AGMO: variants seen among roughly 807,000 people sequenced by gnomAD.
AGMO encodes the protein alkylglycerol monooxygenase.
A neutral mutation model predicts 60.2 loss-of-function variants in AGMO; 75 were observed. The ratio of observed to expected loss-of-function variants is 1.25; its 90% CI spans 1.03 to 1.51. The LOEUF is 1.51. Among genes scored for constraint, AGMO ranks in the 40% most tolerant of loss-of-function variants. AGMO has a pLI of 0.00. For synonymous variants in AGMO, 261 were observed against 177.1 expected, an observed-to-expected ratio of 1.47 and a Z score of -3.76; for missense variants, 763 against 525.5, an observed-to-expected ratio of 1.45 and a Z score of -4.42.
intron 3 of AGMO, among the ~76,000 whole-genome samples, chr7:15,451,226 A>G (rs568424100): frequency 2.6e-4 from 39 of 152,304 alleles, no homozygotes; most frequent in South Asian, 2.5e-3. Flanking sequence ...GAAACCTGAT[A>G]TGATATAAAA....
At chr7:15,453,436 A>C (rs1451888481) in intron 3 of AGMO, among the ~76,000 whole-genome samples, 1 of 152,214 alleles carries the variant, frequency 6.6e-6, no homozygotes, top group Non-Finnish European at 1.5e-5. Context: ...TGGAGAAAGC[A>C]GACACAGTGT....
At chr7:15,478,244 T>A (rs1379769731) in intron 3 of AGMO, among the ~76,000 whole-genome samples, 1 of 152,182 alleles carries the variant, frequency 6.6e-6, no homozygotes, top group African/African-American at 2.4e-5. Context: ...ATTCATGCAC[T>A]CGACTTGTTG....
At chr7:15,195,456 T>A (rs369255555), downstream of AGMO, among the ~76,000 whole-genome samples, 12 of 152,320 alleles carry the variant, frequency 7.9e-5, no homozygotes, top group South Asian at 1.7e-3. Context: ...GGACCAGGTG[T>A]GACGCTTACA....
the AGMO span, among the ~76,000 whole-genome samples, chr7:15,172,388 G>A: frequency 6.6e-6 from 1 of 152,054 alleles, no homozygotes; most frequent in Non-Finnish European, 1.5e-5. Flanking sequence ...GGTTGAAGAT[G>A]GTACTTAGTT....
At chr7:15,365,693 A>C in intron 11 of AGMO, 74 bp from the exon 12 acceptor site, 15 of 1,014,394 alleles carry the variant, frequency 1.5e-5, no homozygotes, top group Non-Finnish European at 2.2e-5. Context: ...TAATTAATAT[A>C]AACTTCTCAT....
intron 12 of AGMO, among the ~76,000 whole-genome samples, chr7:15,340,049 T>C (rs1781791764): frequency 6.6e-6 from 1 of 152,206 alleles, no homozygotes; most frequent in Non-Finnish European, 1.5e-5. Flanking sequence ...TGCTTGAGAC[T>C]AGAAGTGCTT....
intron 5 of AGMO, 38 bp from the exon 6 acceptor site, chr7:15,394,217 T>A: frequency 1.5e-6 from 2 of 1,374,358 alleles, no homozygotes; most frequent in African/African-American, 1.4e-5. Context: ...CATGTAGTTA[T>A]CATTAAATGT....
chr7:15,118,734 C>A, the AGMO span, among the ~76,000 whole-genome samples: 1 of 152,002 alleles, frequency 6.6e-6, no homozygotes, highest in Non-Finnish European at 1.5e-5. Flanking sequence ...AAGTAAACCT[C>A]TTTTAAAAGC....
intron 12 of AGMO, among the ~76,000 whole-genome samples, chr7:15,279,982 A>G (rs1299837560): frequency 6.6e-6 from 1 of 152,204 alleles, no homozygotes; most frequent in Admixed American, 6.5e-5. Context: ...CTGCCAGCTA[A>G]ATCAGGCAGT....
chr7:15,366,258 G>C (rs1461783915), intron 10 of AGMO, 36 bp from the exon 11 acceptor site: 2 of 1,514,400 alleles, frequency 1.3e-6, no homozygotes, highest in East Asian at 2.4e-5. Context: ...GGAGCCGTTA[G>C]AAGAATTGTT....
At chr7:15,342,659 G>C (rs1025488426) in intron 12 of AGMO, among the ~76,000 whole-genome samples, 3 of 151,424 alleles carry the variant, frequency 2.0e-5, no homozygotes, top group Non-Finnish European at 4.4e-5. Context: ...TTGCGCGCGT[G>C]TGTGTGTGTA....
intron 10 of AGMO, among the ~76,000 whole-genome samples, chr7:15,367,256 A>T (rs199909675): frequency 0.013 from 1,297 of 100,142 alleles, 6 homozygotes; most frequent in East Asian, 0.021. Flanking sequence ...ATAATTTTTT[A>T]AAAAAAATTA....
intron 12 of AGMO, among the ~76,000 whole-genome samples, chr7:15,208,665 A>G (rs576113107): frequency 6.6e-6 from 1 of 152,264 alleles, no homozygotes; most frequent in South Asian, 2.1e-4. Flanking sequence ...TGATAGCACT[A>G]TTTTTTGAAG....
chr7:15,342,155 G>A (rs1183090425), intron 12 of AGMO, among the ~76,000 whole-genome samples: 2 of 105,086 alleles, frequency 1.9e-5, no homozygotes, highest in African/African-American at 8.6e-5. Context: ...TAAGCTGAGA[G>A]TAGATACCCA....
At chr7:15,309,156 G>A (rs1318502232) in intron 12 of AGMO, among the ~76,000 whole-genome samples, 1 of 152,136 alleles carries the variant, frequency 6.6e-6, no homozygotes, top group African/African-American at 2.4e-5. Context: ...TTTATAGGAA[G>A]ACAAGCCCTG....
the AGMO span, among the ~76,000 whole-genome samples, chr7:15,172,420 GCCA>G: frequency 6.6e-6 from 1 of 152,140 alleles, no homozygotes; most frequent in Non-Finnish European, 1.5e-5. Context: ...CACAGAGAGG[GCCA>G]CAACTGGGAT....
At chr7:15,252,953 A>C (rs540092885) in intron 12 of AGMO, among the ~76,000 whole-genome samples, 1 of 152,340 alleles carries the variant, frequency 6.6e-6, no homozygotes, top group African/African-American at 2.4e-5. Flanking sequence ...AAATGCTGGT[A>C]AAAGATAAAA....
intron 10 of AGMO, among the ~76,000 whole-genome samples, chr7:15,379,955 G>C (rs999324007): frequency 1.3e-5 from 2 of 151,936 alleles, no homozygotes; most frequent in East Asian, 1.9e-4. Flanking sequence ...TCTTTAATTC[G>C]ACACCCTTTC....
At chr7:15,163,656 C>A in the AGMO span, among the ~76,000 whole-genome samples, 2 of 152,034 alleles carry the variant, frequency 1.3e-5, no homozygotes, top group African/African-American at 4.8e-5. Context: ...ACCCTCATAT[C>A]CTTGGGATAA....
Sources: allele counts gnomAD v4.1 joint callset (sites outside exome capture counted in the v4.1 genomes callset), GRCh38; gene constraint gnomAD v4.1.1; transcripts MANE v1.5; gene names NCBI Gene and HGNC (gene_info 2026-07-23, HGNC 2026-07-21).